ELFN1: variants seen among roughly 807,000 people sequenced by gnomAD.
ELFN1 encodes protein ELFN1.
Under a neutral mutation model 7.6 loss-of-function variants are expected in ELFN1, and 6 were observed. That is an observed-to-expected ratio of 0.79 (90% CI 0.43 to 1.56). The LOEUF (loss-of-function observed/expected upper bound fraction) is 1.56. Ranked by LOEUF, ELFN1 falls within the 40% of genes most tolerant of loss-of-function variation. The probability of loss-of-function intolerance (pLI) is 0.01; values close to 1 mark genes in which losing one functional copy is unlikely to be tolerated. For missense variants in ELFN1, 1,169 were observed against 1,232.2 expected, an observed-to-expected ratio of 0.95 and a Z score of 0.77; for synonymous variants, 657 against 588.1, an observed-to-expected ratio of 1.12 and a Z score of -1.70.
At position 1,745,923 on chromosome 7, in the gene ELFN1, C is replaced by T. The variant is rs753963566; in HGVS notation, c.1327C>T (p.Arg443Trp). The change falls in exon 4 of 4, where the codon CGG becomes TGG. Residue 443 changes from arginine (R) to tryptophan (W), a missense_variant. Coordinates refer to ENST00000424383, the MANE Select transcript of ELFN1 (RefSeq NM_001128636.4). ...CGCCGTCTACTACTGCCTGCGCAGG[C>T]GGCGGCGCCAGGAGGAGAAGCACAA... ...LGAVYYCLRR[R>W]RRQEEKHKKA... 2.1e-5 allele frequency: 33 copies of T among 1,568,340 alleles called. No homozygotes were observed. In the East Asian group the frequency reaches 3.3e-4, roughly 16 times the overall value.
upstream of ELFN1, among the ~76,000 whole-genome samples, chr7:1,666,083 C>T (rs1206828845): frequency 2.0e-5 from 3 of 151,940 alleles, no homozygotes; most frequent in African/African-American, 7.2e-5. The surrounding 1 kb of genome is among the most constrained non-coding windows in gnomAD (Gnocchi z 7.9). Flanking sequence ...AAGCCGCCGC[C>T]GCCGCCGCCG....
At position 1,739,507 on chromosome 7, in the gene ELFN1, C is replaced by G. The variant is rs1003173899; in HGVS notation, c.-293-4797C>G. 1 of 152,368 alleles carries G rather than the reference C, an allele frequency of 6.6e-6. No individual in the cohort carries two copies. The highest frequency in any genetic ancestry group is 1.5e-5 in the Non-Finnish European group (1 of 68,262). The allele number at this position is 152,368 out of a possible 1,614,324, so 9.4% of individuals were successfully genotyped here. ...GGAGAATCTTCAAGTCGGGGGCAGC[C>G]GAGGGCCTCAAGATAGACCGAGGGT... On this transcript the variant is annotated intron_variant, in intron 3 of 3. Transcript: ENST00000424383. The surrounding 1 kb of genome is among the most constrained non-coding windows in gnomAD (Gnocchi z 4.6).
At position 1,729,948 on chromosome 7, in the gene ELFN1, C is replaced by T. The variant is rs113811581; in HGVS notation, c.-293-14356C>T. Reference sequence around the variant, plus strand: ...AGACCAGCAGGCCCCAGGAGGTGGGCGGGGGTGGTCTCACAGGCCTAGCCT... The same window carrying T: ...AGACCAGCAGGCCCCAGGAGGTGGGTGGGGGTGGTCTCACAGGCCTAGCCT... On this transcript the variant is annotated intron_variant, in intron 3 of 3. Coordinates refer to ENST00000424383, the MANE Select transcript of ELFN1 (RefSeq NM_001128636.4). Among the ~76,000 whole-genome samples, 278 of 152,286 alleles carry T rather than the reference C, an allele frequency of 1.8e-3. 1 individual carries two copies. Among genetic ancestry groups the T allele is most frequent in the African/African-American group, 6.4e-3 (264 of 41,560 alleles).
chr7:1,745,356 T>C lies in ELFN1; in HGVS notation c.760T>C (p.Ser254Pro). The C allele has an allele frequency of 1.3e-6, 2 of 1,539,714 alleles. No homozygotes were observed. The highest frequency in any genetic ancestry group is 2.4e-5 in the South Asian group (2 of 83,980). ...SKLQSVCTED[S>P]YAAEVVGPPR... is the part of the protein sequence containing the mutation. Reference sequence around the variant, plus strand: ...ACTGCAGTCAGTCTGCACCGAGGACTCGTACGCGGCTGAGGTGGTCGGGCC... The same window carrying C: ...ACTGCAGTCAGTCTGCACCGAGGACCCGTACGCGGCTGAGGTGGTCGGGCC... Residue 254 changes from serine to proline, a missense_variant, in exon 4 of 4, where the codon TCG (serine) becomes CCG (proline). Ser to Pro is a moderately conservative substitution (Grantham distance 74). Coordinates refer to ENST00000424383, the MANE Select transcript of ELFN1 (RefSeq NM_001128636.4).
chr7:1,674,797 T>G (rs576447690), intron 1 of ELFN1, among the ~76,000 whole-genome samples: 52 of 152,204 alleles, frequency 3.4e-4, no homozygotes, highest in Admixed American at 6.5e-4. Context: ...AAAACTGCAC[T>G]CTGGGCTTCC....
chr7:1,744,485 G>C lies in ELFN1; in HGVS notation c.-112G>C. The C allele has an allele frequency of 8.0e-7, 1 of 1,250,770 alleles. No homozygotes were observed. The highest frequency in any genetic ancestry group is 1.1e-6 in the Non-Finnish European group (1 of 940,172). 77.5% of individuals were successfully genotyped at this position (1,250,770 alleles called of 1,614,324 possible). A position where few individuals can be genotyped will look rare whatever the true frequency, so the allele number is the denominator to read the frequency against. On this transcript the variant is annotated 5_prime_UTR_variant, in exon 4 of 4. Coordinates refer to ENST00000424383, the MANE Select transcript of ELFN1 (RefSeq NM_001128636.4). ...GCGGTTTGGGACAGGACACCCCTGA[G>C]AGTGCAGGCACCTCCCCCTCCCGCC...
At chr7:1,721,745 C>T (rs9886118) in intron 3 of ELFN1, among the ~76,000 whole-genome samples, 3,436 of 152,288 alleles carry the variant, frequency 0.023, 140 homozygotes, top group African/African-American at 0.079. Context: ...CCATCGCTCA[C>T]GATCTGCTGT....
intron 1 of ELFN1, among the ~76,000 whole-genome samples, chr7:1,679,202 C>T (rs562748212): frequency 9.9e-5 from 15 of 151,996 alleles, no homozygotes; most frequent in East Asian, 1.9e-4. Flanking sequence ...CACACAACTG[C>T]GCATGGCTCC....
chr7:1,670,337 C>T lies in ELFN1; in HGVS notation c.-566C>T, dbSNP rs1448428460. ...GGCGGCTGCGGGCGCAGCCCCGGAA[C>T]CGAGGCCGGGCGGGCAGGTAAGCGG... On this transcript the variant is annotated 5_prime_UTR_variant, in exon 1 of 4. Coordinates refer to ENST00000424383, the MANE Select transcript of ELFN1 (RefSeq NM_001128636.4). The surrounding 1 kb of genome is among the most constrained non-coding windows in gnomAD (Gnocchi z 6.4). Among the ~76,000 whole-genome samples the T allele has an allele frequency of 1.3e-5, 2 of 151,770 alleles. No homozygotes were observed. The highest frequency in any genetic ancestry group is 2.9e-5 in the Non-Finnish European group (2 of 67,858).
intron 1 of ELFN1, among the ~76,000 whole-genome samples, chr7:1,684,845 T>C (rs979371045): frequency 1.3e-5 from 2 of 152,220 alleles, no homozygotes; most frequent in Admixed American, 1.3e-4. Flanking sequence ...AAATATTGCT[T>C]TATACAATCT....
At chr7:1,694,543 ACTC>A (rs1473991386) in intron 2 of ELFN1, among the ~76,000 whole-genome samples, 1 of 152,048 alleles carries the variant, frequency 6.6e-6, no homozygotes, top group Non-Finnish European at 1.5e-5. Flanking sequence ...TCCATCAGTC[ACTC>A]AATAGGCCGG....
At chr7:1,720,275 G>A (rs934096272) in intron 3 of ELFN1, among the ~76,000 whole-genome samples, 9 of 152,288 alleles carry the variant, frequency 5.9e-5, no homozygotes, top group African/African-American at 2.2e-4. Context: ...GTGGGAAGAC[G>A]AAGATGGGAA....
rs1378418973 is a variant in ELFN1, at chr7:1,747,561, G to A, written c.*478G>A. 6.0e-6 allele frequency: 1 copy of A among 165,808 alleles called. No individual in the cohort carries two copies. Among genetic ancestry groups the A allele is most frequent in the Non-Finnish European group, 1.5e-5 (1 of 68,162 alleles). The allele number at this position is 165,808 out of a possible 1,614,324, so 10.3% of individuals were successfully genotyped here. On this transcript the variant is annotated 3_prime_UTR_variant, in exon 4 of 4. Transcript: ENST00000424383. ...GTGGCCACCTCGGGGCCCCTCACGTGATCTCCTCGGTCCGTGGTTTTCTGT... is the reference window on the plus strand; with the variant it reads ...GTGGCCACCTCGGGGCCCCTCACGTAATCTCCTCGGTCCGTGGTTTTCTGT...
In ELFN1 at chr7:1,673,087, C is replaced by T. The variant is rs1041979434; in HGVS notation, c.-549+2733C>T. 1.1e-5 allele frequency among the ~76,000 whole-genome samples: 1 copy of T among 92,032 alleles called. No individual in the cohort carries two copies. The highest frequency in any genetic ancestry group is 1.9e-5 in the Non-Finnish European group (1 of 51,290). The allele number at this position is 92,032 out of a possible 152,430, so 60.4% of individuals were successfully genotyped here. A position where few individuals can be genotyped will look rare whatever the true frequency, so the allele number is the denominator to read the frequency against. ...GATACATTTGTCATCTCTCCAGCGC[C>T]CCCCCCCGCTCTTTCCTTTTTGTTT... On this transcript the variant is annotated intron_variant, in intron 1 of 3. Transcript: ENST00000424383. This position sits in a 1 kb window ranked among gnomAD's most constrained non-coding sequence, Gnocchi z 4.7.
At chr7:1,668,732 C>CTGG (rs201965510), upstream of ELFN1, among the ~76,000 whole-genome samples, 920 of 152,370 alleles carry the variant, frequency 6.0e-3, 9 homozygotes, top group African/African-American at 0.021. Flanking sequence ...CAGTATCTAT[C>CTGG]TGGTGGGTAA....
rs922518833 is a variant in ELFN1, at chr7:1,673,084, C to T, written c.-549+2730C>T. On this transcript the variant is annotated intron_variant, in intron 1 of 3. Transcript: ENST00000424383. The surrounding 1 kb of genome is among the most constrained non-coding windows in gnomAD (Gnocchi z 4.7). ...TTGGATACATTTGTCATCTCTCCAGCGCCCCCCCCCGCTCTTTCCTTTTTG... is the reference window on the plus strand; with the variant it reads ...TTGGATACATTTGTCATCTCTCCAGTGCCCCCCCCCGCTCTTTCCTTTTTG... Among the ~76,000 whole-genome samples, 67 of 91,252 alleles carry T rather than the reference C, an allele frequency of 7.3e-4. No individual in the cohort carries two copies. The highest frequency in any genetic ancestry group is 6.2e-3 in the African/African-American group (64 of 10,270). 59.9% of individuals were successfully genotyped at this position (91,252 alleles called of 152,430 possible). A position where few individuals can be genotyped will look rare whatever the true frequency, so the allele number is the denominator to read the frequency against.
chr7:1,725,788 T>C (rs972853480), intron 3 of ELFN1, among the ~76,000 whole-genome samples: 1 of 152,050 alleles, frequency 6.6e-6, no homozygotes, highest in African/African-American at 2.4e-5. Context: ...TGCCCACACA[T>C]GCGCACACAC....
upstream of ELFN1, among the ~76,000 whole-genome samples, chr7:1,668,075 C>T (rs540609475): frequency 1.0e-3 from 152 of 152,250 alleles, 1 homozygote; most frequent in Middle Eastern, 0.017. Context: ...GGGGTCCTGG[C>T]TCCTCAGGTT....
intron 3 of ELFN1, among the ~76,000 whole-genome samples, chr7:1,715,758 G>A (rs1207307785): frequency 6.6e-6 from 1 of 152,254 alleles, no homozygotes; most frequent in Non-Finnish European, 1.5e-5. Context: ...CCAGCCCCCT[G>A]CCTCTGGCCT....
Sources: allele counts gnomAD v4.1 joint callset (sites outside exome capture counted in the v4.1 genomes callset), GRCh38; gene constraint gnomAD v4.1.1; non-coding constraint Gnocchi (gnomAD v3.1); transcripts MANE v1.5; gene names NCBI Gene and HGNC (gene_info 2026-07-23, HGNC 2026-07-21).